The following DMD variants were observed in gnomAD, a reference collection of about 807,000 sequenced individuals.
DMD encodes the protein dystrophin.
Under a neutral mutation model 330.1 loss-of-function variants are expected in DMD, and 63 were observed. The ratio of observed to expected loss-of-function variants is 0.19; its 90% CI spans 0.16 to 0.24. The LOEUF (loss-of-function observed/expected upper bound fraction) is 0.24. Ranked by LOEUF, DMD falls within the 10% of genes least tolerant of loss-of-function variation. The pLI, the probability that DMD is intolerant of heterozygous loss-of-function variation, is 1.00. For missense variants in DMD, 3,344 were observed against 2,684.1 expected (o/e 1.25, Z -5.43); for synonymous variants, 1,223 against 959.8 (o/e 1.27, Z -5.07).
chrX:31,496,715 A>C (rs766682653), intron 57 of DMD, 73 bp downstream of exon 57: 1 of 1,139,239 alleles, frequency 8.8e-7, no homozygotes, highest in South Asian at 1.9e-5. Flanking sequence ...TTCAAACAAA[A>C]TTAATTTTAA....
At chrX:33,032,282 A>G (rs941257412) in intron 1 of DMD, among the ~76,000 whole-genome samples, 19 of 112,317 alleles carry the variant, frequency 1.7e-4, no homozygotes, top group African/African-American at 6.1e-4. Flanking sequence ...TGTTCCTAAA[A>G]GGAGAGATGC....
At chrX:32,122,493 T>C (rs936638275) in intron 44 of DMD, among the ~76,000 whole-genome samples, 3 of 111,889 alleles carry the variant, frequency 2.7e-5, no homozygotes, top group Admixed American at 1.9e-4. Context: ...AGTCTACAGC[T>C]TTTATCAAGC....
chrX:32,773,882 A>G (rs2073889019), intron 7 of DMD, among the ~76,000 whole-genome samples: 1 of 111,419 alleles, frequency 9.0e-6, no homozygotes, highest in African/African-American at 3.3e-5. Flanking sequence ...CTATATTTTT[A>G]TTTATACTTT....
chrX:32,380,602 C>T lies in DMD; in HGVS notation c.4753G>A (p.Glu1585Lys). ...KMRKEMNVLT[E>K]WLAATDMELT... ...TCCATATCTGTAGCTGCCAGCCATT[C>T]TGTCAAGACATTCATTTCCTTTCGC... The change falls in exon 34 of 79, where the codon GAA becomes AAA. Residue 1585 changes from glutamate (E) to lysine (K), a missense_variant. Physicochemically the swap from Glu to Lys is moderately conservative, Grantham distance 56. Coordinates refer to ENST00000357033, the MANE Select transcript of DMD (RefSeq NM_004006.3). 8.3e-7 allele frequency: 1 copy of T among 1,209,852 alleles called. No homozygotes were observed. Among genetic ancestry groups the T allele is most frequent in the Non-Finnish European group, 1.1e-6 (1 of 894,259 alleles).
At chrX:33,134,474 T>C (rs149742385) in intron 1 of DMD, among the ~76,000 whole-genome samples, 186 of 112,263 alleles carry the variant, frequency 1.7e-3, no homozygotes, top group African/African-American at 4.8e-3. Flanking sequence ...GAGAATGATC[T>C]GCTTAACACT....
intron 44 of DMD, among the ~76,000 whole-genome samples, chrX:32,088,868 G>A (rs1221098679): frequency 9.0e-6 from 1 of 111,260 alleles, no homozygotes; most frequent in East Asian, 2.8e-4. Flanking sequence ...TAAGATTGAA[G>A]TTCATTGAGT....
intron 44 of DMD, among the ~76,000 whole-genome samples, chrX:32,064,040 G>A (rs1184639395): frequency 9.0e-6 from 1 of 110,952 alleles, no homozygotes; most frequent in East Asian, 2.8e-4. Context: ...CAAAGTGGAG[G>A]TTAAAAGTTT....
intron 52 of DMD, among the ~76,000 whole-genome samples, chrX:31,707,542 C>T (rs1195648545): frequency 2.7e-5 from 3 of 110,498 alleles, no homozygotes; most frequent in Non-Finnish European, 5.7e-5. Context: ...CGATGGGATC[C>T]GTACTCCAAA....
intron 1 of DMD, among the ~76,000 whole-genome samples, chrX:33,224,355 T>A (rs1258414523): frequency 2.7e-5 from 3 of 111,731 alleles, no homozygotes; most frequent in African/African-American, 9.7e-5. Context: ...GGTGAATGGA[T>A]AAATAAACTG....
At chrX:32,221,039 C>A (rs1002984950) in intron 43 of DMD, among the ~76,000 whole-genome samples, 5 of 111,359 alleles carry the variant, frequency 4.5e-5, no homozygotes, top group African/African-American at 1.6e-4. Flanking sequence ...TGCAGCATAA[C>A]TTATTTTCTG....
chrX:31,513,843 A>G (rs2071912611), intron 55 of DMD, among the ~76,000 whole-genome samples: 1 of 111,622 alleles, frequency 9.0e-6, no homozygotes, highest in Non-Finnish European at 1.9e-5. Flanking sequence ...GGTAGGGGCT[A>G]CTATTATCTT....
chrX:32,804,107 T>C (rs183163670), intron 7 of DMD, among the ~76,000 whole-genome samples: 1 of 110,976 alleles, frequency 9.0e-6, no homozygotes, highest in Admixed American at 9.6e-5. Flanking sequence ...CAGTGGTGCC[T>C]GGAACGCCAG....
intron 1 of DMD, chrX:33,339,142 G>A: frequency 1.2e-6 from 1 of 832,908 alleles, no homozygotes; most frequent in South Asian, 2.1e-5. Flanking sequence ...TGTTTGCAGA[G>A]TTTGAAGAGC....
At chrX:31,531,680 A>G (rs2073847912) in intron 55 of DMD, among the ~76,000 whole-genome samples, 1 of 108,456 alleles carries the variant, frequency 9.2e-6, no homozygotes. Flanking sequence ...CTTGAGTTTA[A>G]TTAGATCCCA....
intron 65 of DMD, among the ~76,000 whole-genome samples, chrX:31,208,325 T>A (rs770529963): frequency 1.7e-4 from 19 of 112,179 alleles, no homozygotes; most frequent in Non-Finnish European, 3.2e-4. Context: ...ATTTAACAAA[T>A]CCACTTTATA....
intron 1 of DMD, among the ~76,000 whole-genome samples, chrX:33,066,936 G>A (rs1363867040): frequency 1.8e-5 from 2 of 111,871 alleles, no homozygotes; most frequent in Non-Finnish European, 3.8e-5. Flanking sequence ...GAAAAGTCAC[G>A]GAGTAAATTA....
At chrX:31,454,844 C>T (rs1488377516) in intron 59 of DMD, among the ~76,000 whole-genome samples, 1 of 110,967 alleles carries the variant, frequency 9.0e-6, no homozygotes, top group South Asian at 3.9e-4. Context: ...CCTCAAACTC[C>T]TGGGCTCAAG....
chrX:32,890,304 T>C (rs898140774), intron 2 of DMD, among the ~76,000 whole-genome samples: 7 of 111,107 alleles, frequency 6.3e-5, no homozygotes, highest in Non-Finnish European at 1.3e-4. Context: ...GGTAGTTCCA[T>C]AGGTCCTCGC....
intron 44 of DMD, among the ~76,000 whole-genome samples, chrX:32,146,623 A>G (rs977188673): frequency 8.9e-6 from 1 of 112,163 alleles, no homozygotes; most frequent in African/African-American, 3.2e-5. Context: ...GCAAGTGTTA[A>G]GTATTTTTCA....
Sources: allele counts gnomAD v4.1 joint callset (sites outside exome capture counted in the v4.1 genomes callset), GRCh38; gene constraint gnomAD v4.1.1; transcripts MANE v1.5; gene names NCBI Gene and HGNC (gene_info 2026-07-23, HGNC 2026-07-21).